TENM4: variants seen among roughly 807,000 people sequenced by gnomAD.
TENM4 encodes the protein teneurin transmembrane protein 4.
Under a neutral mutation model 243.3 loss-of-function variants are expected in TENM4, and 82 were observed. The observed-to-expected ratio is 0.34, with a 90% confidence interval of 0.28 to 0.40. TENM4 has a LOEUF of 0.40. TENM4 is among the 10% of genes least tolerant of loss of function. TENM4 has a pLI of 1.00. For missense variants in TENM4, 3,138 were observed against 3,673.3 expected (o/e 0.85, Z 3.77); for synonymous variants, 1,412 against 1,456.3 (o/e 0.97, Z 0.69).
At chr11:79,003,971 C>T (rs1312721814) in intron 6 of TENM4, among the ~76,000 whole-genome samples, 1 of 144,560 alleles carries the variant, frequency 6.9e-6, no homozygotes, top group Non-Finnish European at 1.5e-5. Context: ...CAGAAAAACA[C>T]AGGGGTTGCT....
At chr11:79,136,965 T>C (rs4944225) in intron 4 of TENM4, among the ~76,000 whole-genome samples, 32,570 of 151,980 alleles carry the variant, frequency 0.21, 3,667 homozygotes, top group African/African-American at 0.28. Context: ...CAGAAGGCCG[T>C]GTATGCTCTG....
At chr11:79,009,474 T>C (rs555619787) in intron 6 of TENM4, among the ~76,000 whole-genome samples, 1 of 152,258 alleles carries the variant, frequency 6.6e-6, no homozygotes, top group South Asian at 2.1e-4. Flanking sequence ...ATAAAACAAG[T>C]ACACCTGCGA....
chr11:79,076,777 T>C (rs1029438276), intron 4 of TENM4, among the ~76,000 whole-genome samples: 1 of 152,202 alleles, frequency 6.6e-6, no homozygotes, highest in Non-Finnish European at 1.5e-5. Flanking sequence ...AAAGGGCTAG[T>C]AATGGTAAGA....
chr11:78,839,510 C>T (rs1858201478), intron 12 of TENM4, among the ~76,000 whole-genome samples: 1 of 151,956 alleles, frequency 6.6e-6, no homozygotes, highest in South Asian at 2.1e-4. Context: ...GTTACAAGTT[C>T]TGAATTCCTA....
intron 4 of TENM4, among the ~76,000 whole-genome samples, chr11:79,071,127 C>T (rs945765677): frequency 2.6e-5 from 4 of 152,216 alleles, no homozygotes; most frequent in African/African-American, 9.7e-5. Flanking sequence ...CTCTTTCTCC[C>T]TCCAAATGTC....
intron 4 of TENM4, among the ~76,000 whole-genome samples, chr11:79,075,471 A>C (rs923935058): frequency 3.9e-5 from 6 of 152,240 alleles, no homozygotes; most frequent in African/African-American, 1.4e-4. Flanking sequence ...GTAATGTACT[A>C]AATTGGTATA....
chr11:79,193,511 A>C (rs573457891), intron 3 of TENM4, among the ~76,000 whole-genome samples: 1 of 152,004 alleles, frequency 6.6e-6, no homozygotes, highest in Non-Finnish European at 1.5e-5. Flanking sequence ...GGCCGGTCAT[A>C]CTCTGAGTTG....
At chr11:78,692,706 G>A (rs1218589245) in intron 28 of TENM4, among the ~76,000 whole-genome samples, 1 of 152,128 alleles carries the variant, frequency 6.6e-6, no homozygotes, top group African/African-American at 2.4e-5. Flanking sequence ...CACCTGGAAC[G>A]TCACTCTCAG....
At chr11:79,366,909 A>G (rs1030603669) in intron 1 of TENM4, among the ~76,000 whole-genome samples, 40 of 152,224 alleles carry the variant, frequency 2.6e-4, no homozygotes, top group Admixed American at 2.6e-3. Context: ...AGAAGGCTAT[A>G]TATCAGTGAA....
intron 7 of TENM4, among the ~76,000 whole-genome samples, chr11:78,902,571 T>A (rs577500380): frequency 7.2e-5 from 11 of 152,326 alleles, no homozygotes; most frequent in Non-Finnish European, 1.6e-4. Flanking sequence ...TGAAGTGAGC[T>A]AGTGATGGAC....
At chr11:79,390,043 G>A (rs904880485) in intron 1 of TENM4, among the ~76,000 whole-genome samples, 2 of 152,326 alleles carry the variant, frequency 1.3e-5, no homozygotes, top group African/African-American at 4.8e-5. Context: ...AGAGAGACTG[G>A]GGACAGGGAG....
At chr11:78,875,854 GATTTGTGTGTGCTGCCAT>G (rs1859257936) in intron 9 of TENM4, among the ~76,000 whole-genome samples, 4 of 152,220 alleles carry the variant, frequency 2.6e-5, no homozygotes, top group African/African-American at 4.8e-5. Flanking sequence ...GCAAACTCTA[GATTTGTGTGTGCTGCCAT>G]ATTTGTGTGT....
At chr11:79,292,245 C>G (rs1856369080) in intron 2 of TENM4, among the ~76,000 whole-genome samples, 1 of 152,166 alleles carries the variant, frequency 6.6e-6, no homozygotes, top group African/African-American at 2.4e-5. Flanking sequence ...GAGAGCAATG[C>G]ACCAAGACCT....
chr11:79,232,940 T>G (rs1354919068), intron 2 of TENM4, among the ~76,000 whole-genome samples: 2 of 152,184 alleles, frequency 1.3e-5, no homozygotes. Flanking sequence ...TGCCAACAGG[T>G]GAAATTCCAG....
At chr11:78,770,922 A>G in intron 18 of TENM4, 70 bp downstream of exon 18, 1 of 1,534,438 alleles carries the variant, frequency 6.5e-7, no homozygotes. Flanking sequence ...TAGCTCAGTA[A>G]TATCCATTCT....
intron 3 of TENM4, among the ~76,000 whole-genome samples, chr11:79,210,242 A>G (rs1565251332): frequency 6.6e-6 from 1 of 152,180 alleles, no homozygotes; most frequent in African/African-American, 2.4e-5. Context: ...TGACCATGTA[A>G]TAATCTCTGT....
At chr11:79,072,463 G>T (rs759916423) in intron 4 of TENM4, among the ~76,000 whole-genome samples, 7 of 141,822 alleles carry the variant, frequency 4.9e-5, no homozygotes, top group African/African-American at 1.9e-4. Flanking sequence ...CTCCCCGCTG[G>T]GCAAGAGTGA....
intron 15 of TENM4, among the ~76,000 whole-genome samples, chr11:78,791,757 G>A (rs1857061597): frequency 6.6e-6 from 1 of 152,232 alleles, no homozygotes; most frequent in South Asian, 2.1e-4. Context: ...TATGAGAAAG[G>A]AGATGTAGTG....
chr11:79,304,741 C>T (rs183820393), intron 1 of TENM4, among the ~76,000 whole-genome samples: 1 of 152,190 alleles, frequency 6.6e-6, no homozygotes, highest in South Asian at 2.1e-4. Flanking sequence ...TATTAACTGG[C>T]CTCCAAAGAC....
Sources: allele counts gnomAD v4.1 joint callset (sites outside exome capture counted in the v4.1 genomes callset), GRCh38; gene constraint gnomAD v4.1.1; transcripts MANE v1.5; gene names NCBI Gene and HGNC (gene_info 2026-07-23, HGNC 2026-07-21).